The following CTXND1 variants were observed in gnomAD, a reference collection of about 807,000 sequenced individuals.
CTXND1 encodes the protein cortexin domain containing 1.
chr15:80,210,574 T>C (rs1595904302), intron 1 of CTXND1, among the ~76,000 whole-genome samples: 1 of 152,320 alleles, frequency 6.6e-6, no homozygotes, highest in South Asian at 2.1e-4. Context: ...GTAGACGCTG[T>C]ATAGTGTGCG....
intron 1 of CTXND1, among the ~76,000 whole-genome samples, chr15:80,249,393 C>T: frequency 6.6e-6 from 1 of 152,154 alleles, no homozygotes; most frequent in Non-Finnish European, 1.5e-5. Context: ...AGAGGAAGAA[C>T]CCTACTCAGA....
chr15:80,236,409 T>C (rs1345222853), intron 1 of CTXND1, among the ~76,000 whole-genome samples: 1 of 152,174 alleles, frequency 6.6e-6, no homozygotes, highest in Non-Finnish European at 1.5e-5. Context: ...AATTGAGTAG[T>C]TGGGACAGAC....
intron 1 of CTXND1, among the ~76,000 whole-genome samples, chr15:80,251,707 G>A (rs1567137312): frequency 6.6e-6 from 1 of 152,100 alleles, no homozygotes; most frequent in African/African-American, 2.4e-5. Flanking sequence ...AGTGGAACTC[G>A]GGCCGCTGCG....
intron 1 of CTXND1, among the ~76,000 whole-genome samples, chr15:80,213,653 G>A (rs1279601434): frequency 1.3e-5 from 2 of 152,174 alleles, no homozygotes; most frequent in East Asian, 3.8e-4. Context: ...AAGACGTAAA[G>A]AGAAAGAAAC....
At chr15:80,205,650 G>C (rs758838154) in intron 1 of CTXND1, among the ~76,000 whole-genome samples, 2 of 151,938 alleles carry the variant, frequency 1.3e-5, no homozygotes, top group Non-Finnish European at 2.9e-5. Flanking sequence ...ACCAGATCCC[G>C]GCATCCAGAC....
At chr15:80,204,400 T>A (rs942387259) in intron 1 of CTXND1, among the ~76,000 whole-genome samples, 3 of 150,566 alleles carry the variant, frequency 2.0e-5, no homozygotes. Context: ...ACTCTTCATC[T>A]TGCAAAACAA....
intron 1 of CTXND1, among the ~76,000 whole-genome samples, chr15:80,218,766 C>T (rs1893281186): frequency 6.6e-6 from 1 of 152,004 alleles, no homozygotes; most frequent in South Asian, 2.1e-4. Context: ...AAAGATATTA[C>T]AGATGTAAGC....
At chr15:80,248,289 C>T (rs1431994626) in intron 1 of CTXND1, among the ~76,000 whole-genome samples, 1 of 152,222 alleles carries the variant, frequency 6.6e-6, no homozygotes, top group African/African-American at 2.4e-5. Context: ...AGCAATGCAT[C>T]AAGATAGCCT....
At position 80,198,561 on chromosome 15, in the gene CTXND1, C is replaced by T. The variant is rs1206000827; in HGVS notation, c.*3209G>A. 6.6e-6 allele frequency: 1 copy of T among 152,248 alleles called. No homozygotes were observed. The highest frequency in any genetic ancestry group is 2.4e-5 in the African/African-American group (1 of 41,468). The allele number at this position is 152,248 out of a possible 1,614,324, so 9.4% of individuals were successfully genotyped here. On this transcript the variant is annotated 3_prime_UTR_variant, in exon 3 of 3. Coordinates refer to ENST00000560778, the MANE Select transcript of CTXND1 (RefSeq NM_001352888.2). Reference sequence around the variant, plus strand: ...CTCTGATCACAAAGGACCATCTCCTCTATGCTTCAGCAGCATAATGCAACA... The same window carrying T: ...CTCTGATCACAAAGGACCATCTCCTTTATGCTTCAGCAGCATAATGCAACA...
intron 1 of CTXND1, among the ~76,000 whole-genome samples, chr15:80,242,380 G>C (rs1893579154): frequency 6.6e-6 from 1 of 152,256 alleles, no homozygotes; most frequent in East Asian, 1.9e-4. Flanking sequence ...AGCCTTTCAG[G>C]CATGCTGGGC....
Position 80,221,929 on chromosome 15 carries a change from T to C in CTXND1, c.-217-18189A>G, listed in dbSNP as rs75356286. Among the ~76,000 whole-genome samples the C allele has an allele frequency of 5.9e-5, 9 of 152,304 alleles. No individual in the cohort carries two copies. In the East Asian group the frequency reaches 1.7e-3, roughly 29 times the overall value. On this transcript the variant is annotated intron_variant, in intron 1 of 2. Coordinates refer to ENST00000560778, the MANE Select transcript of CTXND1 (RefSeq NM_001352888.2). ...AAATTTTATTTGGGGTTTCTCTTAA[T>C]TGTTAATTTCTAGTTTCATTGCACC...
intron 2 of CTXND1, among the ~76,000 whole-genome samples, chr15:80,203,247 T>C (rs2142121192): frequency 6.6e-6 from 1 of 152,348 alleles, no homozygotes; most frequent in Non-Finnish European, 1.5e-5. Flanking sequence ...GTGCTTGAAC[T>C]GTACTCTGTG....
intron 1 of CTXND1, among the ~76,000 whole-genome samples, chr15:80,209,842 T>C (rs1328421441): frequency 1.3e-5 from 2 of 152,228 alleles, no homozygotes; most frequent in Admixed American, 6.5e-5. Context: ...CTCACCCCGT[T>C]CTCTGTTTTA....
intron 1 of CTXND1, among the ~76,000 whole-genome samples, chr15:80,249,346 T>A (rs1893668310): frequency 6.6e-6 from 1 of 152,120 alleles, no homozygotes; most frequent in Admixed American, 6.5e-5. Context: ...GTCTGTGGGA[T>A]TCTAACGGGA....
chr15:80,199,666 T>C lies in CTXND1; in HGVS notation c.*2104A>G, dbSNP rs1387422950. Reference sequence around the variant, plus strand: ...ACTGCCTTTGCCAGCTGTCCCTTCGTGCATTCCACAATAGTGGGGATAGGG... The same window carrying C: ...ACTGCCTTTGCCAGCTGTCCCTTCGCGCATTCCACAATAGTGGGGATAGGG... On this transcript the variant is annotated 3_prime_UTR_variant, in exon 3 of 3. Coordinates refer to ENST00000560778, the MANE Select transcript of CTXND1 (RefSeq NM_001352888.2). The C allele has an allele frequency of 6.6e-6, 1 of 152,400 alleles. No individual in the cohort carries two copies. The highest frequency in any genetic ancestry group is 1.5e-5 in the Non-Finnish European group (1 of 68,194). 9.4% of individuals were successfully genotyped at this position (152,400 alleles called of 1,614,324 possible).
chr15:80,233,482 T>G (rs767023260), intron 1 of CTXND1, among the ~76,000 whole-genome samples: 1 of 152,162 alleles, frequency 6.6e-6, no homozygotes, highest in Non-Finnish European at 1.5e-5. Context: ...TACAAGATGC[T>G]CCTGTCCTTC....
intron 1 of CTXND1, among the ~76,000 whole-genome samples, chr15:80,238,766 T>C (rs771344045): frequency 2.6e-5 from 4 of 152,074 alleles, no homozygotes; most frequent in East Asian, 1.9e-4. Flanking sequence ...TGAGCCACCG[T>C]GCCTGGCCTG....
At chr15:80,224,473 ATTT>A (rs1893352134) in intron 1 of CTXND1, among the ~76,000 whole-genome samples, 1 of 152,194 alleles carries the variant, frequency 6.6e-6, no homozygotes, top group Non-Finnish European at 1.5e-5. Context: ...TTCTAACTCT[ATTT>A]AAGTCTTGAA....
rs79619733 is a variant in CTXND1, at chr15:80,225,040, G to A, written c.-217-21300C>T. On this transcript the variant is annotated intron_variant, in intron 1 of 2. Transcript: ENST00000560778. The stretch of plus-strand genomic sequence containing the variant: ...ATTACCGGCGTGAACACCATGCCCG[G>A]CCTTCTGAACATTTCTGAATGCCTC... 3.5e-3 allele frequency among the ~76,000 whole-genome samples: 536 copies of A among 152,328 alleles called. 5 individuals carry two copies. The highest frequency in any genetic ancestry group is 0.012 in the African/African-American group (510 of 41,572).
Sources: allele counts gnomAD v4.1 joint callset (sites outside exome capture counted in the v4.1 genomes callset), GRCh38; gene constraint gnomAD v4.1.1; transcripts MANE v1.5; gene names NCBI Gene and HGNC (gene_info 2026-07-23, HGNC 2026-07-21).